SEMA3E: variants seen among roughly 807,000 people sequenced by gnomAD.
SEMA3E encodes semaphorin 3E, also known as semaphorin-3E.
Under a neutral mutation model 93.6 loss-of-function variants are expected in SEMA3E, and 49 were observed. The observed-to-expected ratio is 0.52, with a 90% CI of 0.42 to 0.66. The LOEUF (loss-of-function observed/expected upper bound fraction) is 0.66, where lower values mean the gene tolerates loss of function less well. Among genes scored for constraint, SEMA3E ranks in the 30% least tolerant of loss-of-function variants. SEMA3E has a pLI of 0.00. For synonymous variants in SEMA3E, 363 were observed against 330.7 expected (o/e 1.10, Z -1.06); for missense variants, 906 against 964.8 (o/e 0.94, Z 0.81).
chr7:83,527,185 G>A lies in SEMA3E; in HGVS notation c.116-36911C>T, dbSNP rs1422538841. ...GCAACCACCATGAGCTAAGAAGTGG[G>A]GGGGAAAAAAAGGTTTTTTTCTCTA... On this transcript the variant is annotated intron_variant, in intron 1 of 16. Coordinates refer to ENST00000643230, the MANE Select transcript of SEMA3E (RefSeq NM_012431.3). Among the ~76,000 whole-genome samples the A allele has an allele frequency of 5.7e-5, 6 of 105,366 alleles. No homozygotes were observed. The East Asian group carries it at 1.4e-3, about 25-fold the overall frequency. 69.1% of individuals were successfully genotyped at this position (105,366 alleles called of 152,430 possible).
At chr7:83,525,135 A>T (rs1791128949) in intron 1 of SEMA3E, among the ~76,000 whole-genome samples, 2 of 152,088 alleles carry the variant, frequency 1.3e-5, no homozygotes, top group Admixed American at 1.3e-4. Flanking sequence ...CTTTGTCTGA[A>T]TACAGAATTC....
At chr7:83,496,468 C>T (rs941394950) in intron 1 of SEMA3E, among the ~76,000 whole-genome samples, 1 of 151,760 alleles carries the variant, frequency 6.6e-6, no homozygotes, top group East Asian at 1.9e-4. Context: ...CTTTAATCAC[C>T]TTTATTGTGT....
At chr7:83,569,042 T>C (rs1792220233) in intron 1 of SEMA3E, among the ~76,000 whole-genome samples, 1 of 151,964 alleles carries the variant, frequency 6.6e-6, no homozygotes, top group Non-Finnish European at 1.5e-5. Flanking sequence ...TTGCAAGATA[T>C]GAAATTAACA....
chr7:83,522,199 C>A (rs1246981484), intron 1 of SEMA3E, among the ~76,000 whole-genome samples: 1 of 152,102 alleles, frequency 6.6e-6, no homozygotes, highest in African/African-American at 2.4e-5. Context: ...ACTCTATCTA[C>A]AAATTACTTT....
chr7:83,487,570 AAGAG>A (rs920344980), intron 2 of SEMA3E, among the ~76,000 whole-genome samples: 11 of 151,344 alleles, frequency 7.3e-5, no homozygotes, highest in South Asian at 2.1e-4. Flanking sequence ...AGAGAAGAAA[AAGAG>A]AGAGAAGAAA....
chr7:83,558,529 C>T (rs1011031423), intron 1 of SEMA3E, among the ~76,000 whole-genome samples: 1 of 151,834 alleles, frequency 6.6e-6, no homozygotes. Context: ...ATCCATTTTT[C>T]AAAAAGTACA....
Position 83,648,616 on chromosome 7 carries a change from C to T in SEMA3E, c.-74G>A. ...CTGAGTTTTACTTAGGACTTCCCTCCAGGGGCAGCGTGCGAGAGGCTTTGT... is the reference window on the plus strand; with the variant it reads ...CTGAGTTTTACTTAGGACTTCCCTCTAGGGGCAGCGTGCGAGAGGCTTTGT... On this transcript the variant is annotated 5_prime_UTR_variant, in exon 1 of 17. Transcript: ENST00000643230. 1 of 1,099,458 alleles carries T rather than the reference C, an allele frequency of 9.1e-7. No homozygotes were observed. Among genetic ancestry groups the T allele is most frequent in the Non-Finnish European group, 1.4e-6 (1 of 726,628 alleles). 68.1% of individuals were successfully genotyped at this position (1,099,458 alleles called of 1,614,324 possible).
intron 1 of SEMA3E, among the ~76,000 whole-genome samples, chr7:83,496,753 C>T (rs1790498069): frequency 6.6e-6 from 1 of 151,914 alleles, no homozygotes; most frequent in African/African-American, 2.4e-5. Flanking sequence ...AATCATGGTC[C>T]CTGGACTTGG....
At chr7:83,502,673 C>A (rs2115608352) in intron 1 of SEMA3E, among the ~76,000 whole-genome samples, 1 of 152,276 alleles carries the variant, frequency 6.6e-6, no homozygotes, top group East Asian at 1.9e-4. Context: ...CTTTTCATAT[C>A]CTGTATTGCA....
intron 10 of SEMA3E, among the ~76,000 whole-genome samples, chr7:83,401,676 C>G (rs772327658): frequency 2.0e-5 from 3 of 152,028 alleles, no homozygotes; most frequent in Admixed American, 2.0e-4. Context: ...AATGGTAAAG[C>G]TTTAACACTT....
chr7:83,585,819 T>TC (rs1225231562), intron 1 of SEMA3E, among the ~76,000 whole-genome samples: 1 of 152,174 alleles, frequency 6.6e-6, no homozygotes, highest in African/African-American at 2.4e-5. Flanking sequence ...AAGCAAAAAC[T>TC]CCAACACTGA....
intron 1 of SEMA3E, among the ~76,000 whole-genome samples, chr7:83,552,028 G>T (rs543507594): frequency 9.2e-5 from 14 of 152,154 alleles, no homozygotes; most frequent in African/African-American, 2.9e-4. Flanking sequence ...TGACTCAAAA[G>T]TCTGCAAATA....
At chr7:83,587,083 G>A (rs919041011) in intron 1 of SEMA3E, among the ~76,000 whole-genome samples, 6 of 152,048 alleles carry the variant, frequency 3.9e-5, no homozygotes, top group African/African-American at 1.4e-4. Context: ...CCTTTCTAAA[G>A]TTTACCAAAG....
intron 4 of SEMA3E, among the ~76,000 whole-genome samples, chr7:83,450,713 TTGTC>T (rs1789341687): frequency 6.6e-6 from 1 of 151,562 alleles, no homozygotes; most frequent in African/African-American, 2.4e-5. Flanking sequence ...TTATCTTTTT[TTGTC>T]TGTATACTTT....
intron 2 of SEMA3E, among the ~76,000 whole-genome samples, chr7:83,469,855 G>A (rs1451947194): frequency 1.3e-5 from 2 of 152,002 alleles, no homozygotes; most frequent in East Asian, 1.9e-4. Flanking sequence ...GGAGTGCAGC[G>A]GTGTGATCTC....
At chr7:83,524,055 C>G (rs992954784) in intron 1 of SEMA3E, among the ~76,000 whole-genome samples, 1 of 152,058 alleles carries the variant, frequency 6.6e-6, no homozygotes, top group South Asian at 2.1e-4. Context: ...TTGTTATCTA[C>G]TACTTCATAA....
At chr7:83,563,323 A>T (rs1045598896) in intron 1 of SEMA3E, among the ~76,000 whole-genome samples, 1 of 152,234 alleles carries the variant, frequency 6.6e-6, no homozygotes, top group Non-Finnish European at 1.5e-5. Context: ...TCAACAAAAT[A>T]CATTTCTCTG....
chr7:83,508,733 G>T (rs999919338), intron 1 of SEMA3E, among the ~76,000 whole-genome samples: 11 of 152,148 alleles, frequency 7.2e-5, no homozygotes, highest in African/African-American at 2.7e-4. Flanking sequence ...GGGAATTTAG[G>T]TTGTAGGATG....
intron 4 of SEMA3E, among the ~76,000 whole-genome samples, chr7:83,428,665 A>G (rs1788820569): frequency 6.6e-6 from 1 of 152,208 alleles, no homozygotes; most frequent in African/African-American, 2.4e-5. Flanking sequence ...ACAAGCAGAA[A>G]AAATACAAAA....
Sources: gnomAD v4.1 joint callset for allele counts (sites outside exome capture counted in the v4.1 genomes callset) on GRCh38, gnomAD v4.1.1 for gene constraint, MANE v1.5 for transcripts, NCBI Gene and HGNC (gene_info 2026-07-23, HGNC 2026-07-21) for gene names.